Variants in SIPA1L1 observed in about 807,000 individuals in gnomAD.
The protein encoded by SIPA1L1 is signal induced proliferation associated 1 like 1, also known as signal-induced proliferation-associated 1-like protein 1.
A neutral mutation model predicts 162.7 loss-of-function variants in SIPA1L1; 26 were observed. The ratio of observed to expected loss-of-function variants is 0.16; its 90% confidence interval spans 0.12 to 0.22. SIPA1L1 has a LOEUF of 0.22. Among genes scored for constraint, SIPA1L1 ranks in the 10% least tolerant of loss-of-function variants. SIPA1L1 has a pLI of 1.00. For missense variants in SIPA1L1, 1,874 were observed against 2,241.0 expected (o/e 0.84, Z 3.31); for synonymous variants, 829 against 837.4 (o/e 0.99, Z 0.17).
chr14:71,381,254 G>C (rs2039874663), intron 2 of SIPA1L1, among the ~76,000 whole-genome samples: 1 of 152,026 alleles, frequency 6.6e-6, no homozygotes, highest in African/African-American at 2.4e-5. Context: ...GGGTTTCACT[G>C]TGTTAGCCAG....
intron 2 of SIPA1L1, among the ~76,000 whole-genome samples, chr14:71,483,279 T>G (rs2048488184): frequency 6.6e-6 from 1 of 152,228 alleles, no homozygotes; most frequent in Non-Finnish European, 1.5e-5. Flanking sequence ...TGATTATAAT[T>G]AGAGGCATTT....
intron 5 of SIPA1L1, among the ~76,000 whole-genome samples, chr14:71,615,050 A>G (rs1399387901): frequency 6.6e-6 from 1 of 152,196 alleles, no homozygotes. Context: ...ATTGGTATCA[A>G]TATCCAAAGT....
At chr14:71,485,672 A>G (rs549783150) in intron 2 of SIPA1L1, among the ~76,000 whole-genome samples, 2 of 152,244 alleles carry the variant, frequency 1.3e-5, no homozygotes, top group African/African-American at 4.8e-5. Flanking sequence ...TGTAATAATA[A>G]TAAAAATAAA....
chr14:71,455,465 C>G (rs1222314855), intron 2 of SIPA1L1, among the ~76,000 whole-genome samples: 3 of 151,972 alleles, frequency 2.0e-5, no homozygotes, highest in African/African-American at 4.8e-5. Context: ...GACAAAATTC[C>G]TAAACTAGAA....
intron 2 of SIPA1L1, among the ~76,000 whole-genome samples, chr14:71,336,894 T>G (rs1466548577): frequency 6.6e-6 from 1 of 152,232 alleles, no homozygotes; most frequent in East Asian, 1.9e-4. Context: ...TTTGAATTGA[T>G]TTTTTTAGCT....
intron 5 of SIPA1L1, among the ~76,000 whole-genome samples, chr14:71,600,126 A>G (rs1044351620): frequency 6.6e-6 from 1 of 152,106 alleles, no homozygotes; most frequent in African/African-American, 2.4e-5. Context: ...GTATAGTCCC[A>G]TATGTCTATT....
rs1325347790 is a variant in SIPA1L1, at chr14:71,542,551, CTCCTCCTCT to C, written c.-303+13189_-303+13197del. Among the ~76,000 whole-genome samples, 13 of 146,628 alleles carry C rather than the reference CTCCTCCTCT, an allele frequency of 8.9e-5. No homozygotes were observed. The East Asian group carries it at 2.6e-3, about 30-fold the overall frequency. On this transcript the variant is annotated intron_variant, in intron 4 of 23. Coordinates refer to ENST00000381232, the MANE Select transcript of SIPA1L1 (RefSeq NM_001386936.1). ...TCCTCTTCCTCCTCCTCTCTTCCTC[CTCCTCCTCT>C]TCCTCCTTCTCTTCCTCCTCCTTCT...
chr14:71,485,965 T>C (rs999996785), intron 2 of SIPA1L1, among the ~76,000 whole-genome samples: 1 of 152,190 alleles, frequency 6.6e-6, no homozygotes, highest in African/African-American at 2.4e-5. Flanking sequence ...GATCTTTCTG[T>C]TGGCCCTACT....
At chr14:71,502,590 C>T (rs2050349499) in intron 2 of SIPA1L1, among the ~76,000 whole-genome samples, 1 of 152,016 alleles carries the variant, frequency 6.6e-6, no homozygotes, top group Admixed American at 6.6e-5. Flanking sequence ...AAATTTTTGG[C>T]TATTAGGGTA....
intron 2 of SIPA1L1, among the ~76,000 whole-genome samples, chr14:71,346,870 C>G (rs1244765830): frequency 6.6e-6 from 1 of 152,186 alleles, no homozygotes; most frequent in Admixed American, 6.5e-5. Context: ...TTCTATCTCC[C>G]TAGCCCTAAG....
At chr14:71,501,446 A>G (rs2050208168) in intron 2 of SIPA1L1, among the ~76,000 whole-genome samples, 1 of 152,330 alleles carries the variant, frequency 6.6e-6, no homozygotes, top group Admixed American at 6.5e-5. Flanking sequence ...AAGAAGACAT[A>G]AGAAAGTGTA....
chr14:71,394,350 T>G (rs951981493), intron 2 of SIPA1L1, among the ~76,000 whole-genome samples: 1 of 152,248 alleles, frequency 6.6e-6, no homozygotes, highest in Admixed American at 6.5e-5. Context: ...CCTCTATTAC[T>G]ATTATTTTGT....
At chr14:71,708,387 C>T (rs1363528865) in intron 16 of SIPA1L1, among the ~76,000 whole-genome samples, 2 of 151,124 alleles carry the variant, frequency 1.3e-5, no homozygotes, top group African/African-American at 4.9e-5. Context: ...TGCAGTGGCA[C>T]AATCTCGGCT....
chr14:71,631,752 T>G (rs2040593530), intron 7 of SIPA1L1, among the ~76,000 whole-genome samples: 1 of 152,188 alleles, frequency 6.6e-6, no homozygotes. Flanking sequence ...CCATATGTCA[T>G]TTTTTTAAAA....
At chr14:71,365,619 C>G (rs1425140277) in intron 2 of SIPA1L1, among the ~76,000 whole-genome samples, 1 of 152,046 alleles carries the variant, frequency 6.6e-6, no homozygotes, top group Non-Finnish European at 1.5e-5. Flanking sequence ...CTTTGCATTT[C>G]TAAGGCATTT....
chr14:71,548,438 A>G (rs547178716), intron 4 of SIPA1L1, among the ~76,000 whole-genome samples: 1 of 152,244 alleles, frequency 6.6e-6, no homozygotes, highest in South Asian at 2.1e-4. Context: ...TGGTGATCAT[A>G]TTTAGATATC....
chr14:71,353,443 A>G (rs1346317612), intron 2 of SIPA1L1, among the ~76,000 whole-genome samples: 2 of 152,188 alleles, frequency 1.3e-5, no homozygotes, highest in Non-Finnish European at 2.9e-5. Flanking sequence ...AGCGGAGATG[A>G]GCTGAGAGAG....
intron 2 of SIPA1L1, among the ~76,000 whole-genome samples, chr14:71,390,945 A>T (rs896811689): frequency 6.6e-6 from 1 of 152,070 alleles, no homozygotes; most frequent in Non-Finnish European, 1.5e-5. Context: ...ATCTTGCTTC[A>T]TGTAATTTTT....
intron 2 of SIPA1L1, among the ~76,000 whole-genome samples, chr14:71,468,005 GGTGTGTGTGTGTGTGT>G (rs56265408): frequency 1.6e-3 from 222 of 141,714 alleles, no homozygotes; most frequent in African/African-American, 4.9e-3. Context: ...CAGTTAGAGG[GGTGTGTGTGTGTGTGT>G]GTGTGTGTGT....
Sources: gnomAD v4.1 joint callset for allele counts (sites outside exome capture counted in the v4.1 genomes callset) on GRCh38, gnomAD v4.1.1 for gene constraint, MANE v1.5 for transcripts, NCBI Gene and HGNC (gene_info 2026-07-23, HGNC 2026-07-21) for gene names.